The following HEXB variants were observed in gnomAD, a reference collection of about 807,000 sequenced individuals.
The protein encoded by HEXB is beta-hexosaminidase subunit beta.
Under a neutral mutation model 71.2 loss-of-function variants are expected in HEXB, and 51 were observed. The ratio of observed to expected loss-of-function variants is 0.72; its 90% CI spans 0.57 to 0.90. The LOEUF (loss-of-function observed/expected upper bound fraction) is 0.90, where lower values mean the gene tolerates loss of function less well. Ranked by LOEUF, HEXB falls within the 40% of genes least tolerant of loss-of-function variation. The probability of loss-of-function intolerance (pLI) is 0.00; values close to 1 mark genes in which losing one functional copy is unlikely to be tolerated. For synonymous variants in HEXB, 266 were observed against 249.3 expected, an observed-to-expected ratio of 1.07 and a Z score of -0.63; for missense variants, 617 against 677.0, an observed-to-expected ratio of 0.91 and a Z score of 0.98.
intron 1 of HEXB, among the ~76,000 whole-genome samples, chr5:74,654,516 G>C (rs771851120): frequency 1.3e-5 from 2 of 152,100 alleles, no homozygotes; most frequent in South Asian, 2.1e-4. Flanking sequence ...AACCCTTACT[G>C]GTTAAGAGGG....
chr5:74,706,343 C>G (rs1032277922), intron 6 of HEXB, among the ~76,000 whole-genome samples: 1 of 152,164 alleles, frequency 6.6e-6, no homozygotes, highest in South Asian at 2.1e-4. Context: ...GAACAGCTCC[C>G]GTCTACAGCT....
In HEXB at chr5:74,715,494, T is replaced by C; in HGVS notation, c.902-16T>C. ...AGTACACTTCTTTTAAAAAGAATCT[T>C]AATATTTTCTTCTAGGTCAGAAAGA... On this transcript the variant is annotated splice_polypyrimidine_tract_variant and intron_variant, in intron 7 of 13. Transcript: ENST00000261416. 6.4e-7 allele frequency: 1 copy of C among 1,563,086 alleles called. No homozygotes were observed. Among genetic ancestry groups the C allele is most frequent in the South Asian group, 1.1e-5 (1 of 89,986 alleles).
At chr5:74,693,761 G>T (rs1017751689) in intron 3 of HEXB, 57 bp downstream of exon 3, 42 of 1,279,590 alleles carry the variant, frequency 3.3e-5, no homozygotes, top group Non-Finnish European at 4.6e-5. Context: ...TTCAGTTGGT[G>T]CTTTGTGAAA....
chr5:74,693,368 G>T, intron 2 of HEXB: 1 of 511,270 alleles, frequency 2.0e-6, no homozygotes, highest in South Asian at 2.1e-5. Flanking sequence ...TGACTGGATG[G>T]TGGTGCTGTG....
chr5:74,707,980 C>T (rs1749444645), intron 6 of HEXB, among the ~76,000 whole-genome samples: 1 of 151,954 alleles, frequency 6.6e-6, no homozygotes, highest in South Asian at 2.1e-4. Context: ...CTCCAAGACA[C>T]ATAATTGTCA....
rs144859818 is a variant in HEXB, at chr5:74,659,140, A to T, written c.-377+18582A>T. 1.4e-4 allele frequency among the ~76,000 whole-genome samples: 22 copies of T among 152,328 alleles called. No individual in the cohort carries two copies. In the East Asian group the frequency reaches 4.2e-3, roughly 29 times the overall value. Reference sequence around the variant, plus strand: ...TGGAAAAAAAAAACTTGTCTTTGGTACTTATATGATATTTGCATCAGTAAT... The same window carrying T: ...TGGAAAAAAAAAACTTGTCTTTGGTTCTTATATGATATTTGCATCAGTAAT... On this transcript the variant is annotated intron_variant, in intron 1 of 13. Transcript: ENST00000511181.
rs1319990600 is a variant in HEXB at position 74,702,053 on chromosome 5, C to CT, written c.670-3165dup. The stretch of plus-strand genomic sequence containing the variant: ...TTGGCCACCATTAATCTGCAACTGA[C>CT]TATCTTTCCTTGTCTTTTTTTTTTT... On this transcript the variant is annotated intron_variant, in intron 5 of 13. Transcript: ENST00000261416. Among the ~76,000 whole-genome samples the CT allele has an allele frequency of 2.8e-5, 4 of 144,658 alleles. No individual in the cohort carries two copies. In the Admixed American group the frequency reaches 2.8e-4, roughly 10 times the overall value. 94.9% of individuals were successfully genotyped at this position (144,658 alleles called of 152,430 possible). A position where few individuals can be genotyped will look rare whatever the true frequency, so the allele number is the denominator to read the frequency against.
Position 74,693,497 on chromosome 5 carries a change from T to C in HEXB, c.446-142T>C. The C allele has an allele frequency of 4.2e-6, 3 of 715,464 alleles. 1 individual carries two copies. The highest frequency in any genetic ancestry group is 3.0e-5 in the South Asian group (2 of 67,666). The allele number at this position is 715,464 out of a possible 1,614,324, so 44.3% of individuals were successfully genotyped here. A position where few individuals can be genotyped will look rare whatever the true frequency, so the allele number is the denominator to read the frequency against. ...CCTGCAGGACATCCAAATGGAGATG[T>C]ACAGGAGGCAGTTAGAGAAATAGGT... On this transcript the variant is annotated intron_variant, in intron 2 of 13. Coordinates refer to ENST00000261416, the MANE Select transcript of HEXB (RefSeq NM_000521.4).
chr5:74,670,530 G>A lies in HEXB; in HGVS notation c.-376-18798G>A, dbSNP rs115840334. ...GTACTACTGTGGCCCTCTGCCCTCCGCCAGTGAAGCGCAGCTGCCTCATGT... is the reference window on the plus strand; with the variant it reads ...GTACTACTGTGGCCCTCTGCCCTCCACCAGTGAAGCGCAGCTGCCTCATGT... On this transcript the variant is annotated intron_variant, in intron 1 of 13. Coordinates refer to the HEXB transcript ENST00000511181. Among the ~76,000 whole-genome samples the A allele has an allele frequency of 8.9e-3, 1,356 of 152,206 alleles. 14 individuals carry two copies. The highest frequency in any genetic ancestry group is 0.031 in the African/African-American group (1,303 of 41,522).
rs1473522064 is a variant in HEXB at position 74,652,775 on chromosome 5, C to T, written c.-377+12217C>T. On this transcript the variant is annotated intron_variant, in intron 1 of 13. Transcript: ENST00000511181. The surrounding 1 kb of genome is among the most constrained non-coding windows in gnomAD (Gnocchi z 5.4). ...ACAGCACCAGCTCCGAGATAACCAT[C>T]ACCCTCTCTGAGCTCCAATAAGGTG... Among the ~76,000 whole-genome samples the T allele has an allele frequency of 6.6e-6, 1 of 152,150 alleles. No individual in the cohort carries two copies. The highest frequency in any genetic ancestry group is 1.5e-5 in the Non-Finnish European group (1 of 68,036).
intron 1 of HEXB, among the ~76,000 whole-genome samples, chr5:74,665,540 A>C: frequency 6.6e-6 from 1 of 151,830 alleles, no homozygotes; most frequent in East Asian, 1.9e-4. Context: ...TCTTCTTGGA[A>C]ACCTACAAAG....
At chr5:74,688,074 C>G (rs1217392459) in intron 1 of HEXB, among the ~76,000 whole-genome samples, 2 of 151,984 alleles carry the variant, frequency 1.3e-5, no homozygotes, top group Non-Finnish European at 2.9e-5. Flanking sequence ...TGAAGCCTGT[C>G]TGATCTTTTT....
At chr5:74,661,431 A>C (rs953515089) in intron 1 of HEXB, among the ~76,000 whole-genome samples, 1 of 152,084 alleles carries the variant, frequency 6.6e-6, no homozygotes, top group South Asian at 2.1e-4. Context: ...TTTTTTAAAT[A>C]ATATTTTCTA....
chr5:74,720,712 T>C lies in HEXB; in HGVS notation c.1578T>C (p.Tyr526=), dbSNP rs1460801055. Reference sequence around the variant, plus strand: ...ATGTCAGAGATATGGATGACGCCTATGACAGACTGACAAGGCACCGCTGCA... The same window carrying C: ...ATGTCAGAGATATGGATGACGCCTACGACAGACTGACAAGGCACCGCTGCA... ...SKDVRDMDDA[Y]DRLTRHRCRM... is the part of the protein sequence containing the mutation. Residue 526 remains tyrosine, a synonymous_variant, in exon 13 of 14, where the codon TAT becomes TAC. Coordinates refer to ENST00000261416, the MANE Select transcript of HEXB (RefSeq NM_000521.4). 1.2e-6 allele frequency: 2 copies of C among 1,614,012 alleles called. No individual in the cohort carries two copies. The highest frequency in any genetic ancestry group is 1.7e-6 in the Non-Finnish European group (2 of 1,179,962).
chr5:74,679,724 C>T (rs1561211453), intron 1 of HEXB, among the ~76,000 whole-genome samples: 2 of 139,298 alleles, frequency 1.4e-5, no homozygotes, highest in Non-Finnish European at 3.0e-5. Flanking sequence ...CACTTGAACC[C>T]GGGAGGCAGA....
At chr5:74,676,331 G>A (rs1227842859) in intron 1 of HEXB, among the ~76,000 whole-genome samples, 1 of 152,128 alleles carries the variant, frequency 6.6e-6, no homozygotes, top group Non-Finnish European at 1.5e-5. Context: ...TGTAAAGACG[G>A]TGTCTCACTA....
chr5:74,713,864 G>A (rs948337766), intron 7 of HEXB, among the ~76,000 whole-genome samples: 3 of 151,756 alleles, frequency 2.0e-5, no homozygotes, highest in Non-Finnish European at 2.9e-5. Flanking sequence ...TTTTTGAGAC[G>A]GAGTCTCACT....
intron 9 of HEXB, 138 bp downstream of exon 9, chr5:74,716,811 A>G: frequency 1.7e-6 from 1 of 596,220 alleles, no homozygotes; most frequent in Non-Finnish European, 3.1e-6. Flanking sequence ...GGCAATACCC[A>G]CTGCTTGCTT....
chr5:74,642,769 G>A (rs1747928307), intron 1 of HEXB, among the ~76,000 whole-genome samples: 1 of 152,070 alleles, frequency 6.6e-6, no homozygotes, highest in South Asian at 2.1e-4. Flanking sequence ...TTAACCAAGG[G>A]AACAGCAAAG....
Sources: allele counts gnomAD v4.1 joint callset (sites outside exome capture counted in the v4.1 genomes callset), GRCh38; gene constraint gnomAD v4.1.1; non-coding constraint Gnocchi (gnomAD v3.1); transcripts MANE v1.5; gene names NCBI Gene and HGNC (gene_info 2026-07-23, HGNC 2026-07-21).